GALNTL6: variants seen among roughly 807,000 people sequenced by gnomAD.
The protein encoded by GALNTL6 is polypeptide N-acetylgalactosaminyltransferase like 6, also known as polypeptide N-acetylgalactosaminyltransferase-like 6.
GALNTL6 carries 46 observed loss-of-function variants against 73.7 expected under a neutral mutation model. That is an observed-to-expected ratio of 0.62 (90% confidence interval 0.49 to 0.80). GALNTL6 has a LOEUF of 0.80. Ranked by LOEUF, GALNTL6 falls within the 30% of genes least tolerant of loss-of-function variation. The pLI, the probability that GALNTL6 is intolerant of heterozygous loss-of-function variation, is 0.00. For missense variants in GALNTL6, 604 were observed against 755.0 expected, an observed-to-expected ratio of 0.80 and a Z score of 2.34; for synonymous variants, 259 against 263.7, an observed-to-expected ratio of 0.98 and a Z score of 0.17.
At chr4:172,780,864 C>T (rs1739337322) in intron 5 of GALNTL6, among the ~76,000 whole-genome samples, 2 of 152,176 alleles carry the variant, frequency 1.3e-5, no homozygotes, top group Admixed American at 1.3e-4. Context: ...TACATCAGCT[C>T]CCTGGGCTGT....
intron 9 of GALNTL6, among the ~76,000 whole-genome samples, chr4:172,947,116 C>T (rs1182055539): frequency 6.6e-6 from 1 of 152,110 alleles, no homozygotes; most frequent in Non-Finnish European, 1.5e-5. Context: ...GGGTCAAATA[C>T]TTCATCTTAC....
intron 5 of GALNTL6, among the ~76,000 whole-genome samples, chr4:172,808,512 A>T (rs1741106127): frequency 6.6e-6 from 1 of 152,236 alleles, no homozygotes. Flanking sequence ...TAAAACCCTC[A>T]TAATGTCTTA....
intron 2 of GALNTL6, among the ~76,000 whole-genome samples, chr4:171,837,971 T>G (rs986118953): frequency 6.6e-6 from 1 of 151,618 alleles, no homozygotes; most frequent in Non-Finnish European, 1.5e-5. Flanking sequence ...AGTAGGAAGC[T>G]CCAAGATAAA....
At chr4:171,905,849 C>T (rs981620337) in intron 2 of GALNTL6, among the ~76,000 whole-genome samples, 4 of 151,248 alleles carry the variant, frequency 2.6e-5, no homozygotes, top group Admixed American at 6.6e-5. Context: ...TCACTCAAAA[C>T]CGCTCAACTA....
At chr4:171,901,504 C>T (rs751656376) in intron 2 of GALNTL6, among the ~76,000 whole-genome samples, 2 of 152,046 alleles carry the variant, frequency 1.3e-5, no homozygotes. Flanking sequence ...TTCTTTCCTC[C>T]TCCCCCACTC....
At chr4:172,437,679 A>G (rs953351239) in intron 5 of GALNTL6, among the ~76,000 whole-genome samples, 5 of 152,092 alleles carry the variant, frequency 3.3e-5, no homozygotes, top group African/African-American at 1.2e-4. Flanking sequence ...GTTGAAACAT[A>G]AGGTCTTAAA....
chr4:172,249,640 G>C lies in GALNTL6; in HGVS notation c.247+19876G>C, dbSNP rs140553079. Among the ~76,000 whole-genome samples, 353 of 152,256 alleles carry C rather than the reference G, an allele frequency of 2.3e-3. 4 individuals carry two copies. The highest frequency in any genetic ancestry group is 8.2e-3 in the African/African-American group (339 of 41,562). On this transcript the variant is annotated intron_variant, in intron 3 of 12. Transcript: ENST00000506823. ...GCTCTGTGCAGTCTCAGGATATGGT[G>C]CCCTATGTCCCAGCTGTCTTAGCTC...
At chr4:172,123,408 G>A (rs1733204339) in intron 2 of GALNTL6, among the ~76,000 whole-genome samples, 1 of 119,288 alleles carries the variant, frequency 8.4e-6, no homozygotes, top group Non-Finnish European at 1.8e-5. Flanking sequence ...CCAAATTGCT[G>A]TATTAACTAC....
chr4:172,828,506 G>T (rs1003322264), intron 7 of GALNTL6, among the ~76,000 whole-genome samples: 5 of 151,952 alleles, frequency 3.3e-5, no homozygotes, highest in Non-Finnish European at 7.4e-5. Context: ...GATCCTATGA[G>T]CCTACCAGTC....
intron 10 of GALNTL6, among the ~76,000 whole-genome samples, chr4:172,964,973 T>A (rs542074149): frequency 1.1e-4 from 17 of 152,234 alleles, no homozygotes; most frequent in Non-Finnish European, 2.4e-4. Flanking sequence ...TGTCCTGCTA[T>A]TTCCCTGGCA....
intron 8 of GALNTL6, among the ~76,000 whole-genome samples, chr4:172,891,503 C>A (rs1450798608): frequency 6.6e-6 from 1 of 152,134 alleles, no homozygotes; most frequent in Non-Finnish European, 1.5e-5. Context: ...TATAATGTTT[C>A]TGCTGTTAGC....
chr4:172,037,819 T>TA (rs200716935), intron 2 of GALNTL6, among the ~76,000 whole-genome samples: 1,762 of 151,896 alleles, frequency 0.012, 19 homozygotes, highest in Non-Finnish European at 0.021. Context: ...AACTTAACTT[T>TA]AAAAAAAAAT....
chr4:172,034,395 CGTGCGTGTGTGTGTGTGT>C lies in GALNTL6; in HGVS notation c.139-195257_139-195240del, dbSNP rs1331211992. 2.5e-3 allele frequency among the ~76,000 whole-genome samples: 350 copies of C among 139,704 alleles called. 1 individual carries two copies. Among genetic ancestry groups the C allele is most frequent in the African/African-American group, 8.3e-3 (309 of 37,392 alleles). The allele number at this position is 139,704 out of a possible 152,430, so 91.7% of individuals were successfully genotyped here. ...TCTATTCTTCCTTAAGGGGAGCGTG[CGTGCGTGTGTGTGTGTGT>C]GTGTGTGTGTGTGTGTGTGTGTGTG... On this transcript the variant is annotated intron_variant, in intron 2 of 12. Transcript: ENST00000506823.
chr4:172,572,082 A>G lies in GALNTL6; in HGVS notation c.553+223393A>G, dbSNP rs73869538. Reference sequence around the variant, plus strand: ...CCAGACTGAAATGATGATTGTGACAATTATTGACTATTACCTCCTAGCAAG... The same window carrying G: ...CCAGACTGAAATGATGATTGTGACAGTTATTGACTATTACCTCCTAGCAAG... On this transcript the variant is annotated intron_variant, in intron 5 of 12. Transcript: ENST00000506823. Among the ~76,000 whole-genome samples, 1,214 of 152,248 alleles carry G rather than the reference A, an allele frequency of 8.0e-3. 18 individuals are homozygous for G. The highest frequency in any genetic ancestry group is 0.028 in the African/African-American group (1,173 of 41,546).
chr4:171,903,535 A>C (rs1737174605), intron 2 of GALNTL6, among the ~76,000 whole-genome samples: 1 of 150,672 alleles, frequency 6.6e-6, no homozygotes, highest in Non-Finnish European at 1.5e-5. Context: ...GCAGTCTGAG[A>C]TCAAACTGCA....
At chr4:172,832,069 GC>G (rs1268712927) in intron 7 of GALNTL6, among the ~76,000 whole-genome samples, 4 of 152,156 alleles carry the variant, frequency 2.6e-5, no homozygotes, top group Admixed American at 6.5e-5. Context: ...AGCCATCACA[GC>G]TTTCGGCAAG....
chr4:172,038,390 A>G (rs917577536), intron 2 of GALNTL6, among the ~76,000 whole-genome samples: 2 of 152,126 alleles, frequency 1.3e-5, no homozygotes, highest in Non-Finnish European at 2.9e-5. Context: ...TGCTAAAGAG[A>G]GTTTATATAT....
At chr4:172,487,225 T>A (rs1459452414) in intron 5 of GALNTL6, among the ~76,000 whole-genome samples, 1 of 151,696 alleles carries the variant, frequency 6.6e-6, no homozygotes, top group Non-Finnish European at 1.5e-5. Context: ...CTTCCTTCCT[T>A]CCTTCCTTCC....
At chr4:172,422,131 T>C (rs1731073376) in intron 5 of GALNTL6, among the ~76,000 whole-genome samples, 1 of 152,138 alleles carries the variant, frequency 6.6e-6, no homozygotes, top group Non-Finnish European at 1.5e-5. Flanking sequence ...CATAGAATGA[T>C]GATTTATTCC....
Sources: gnomAD v4.1 joint callset for allele counts (sites outside exome capture counted in the v4.1 genomes callset) on GRCh38, gnomAD v4.1.1 for gene constraint, MANE v1.5 for transcripts, NCBI Gene and HGNC (gene_info 2026-07-23, HGNC 2026-07-21) for gene names.